The following BMP6 variants were observed in gnomAD, a reference collection of about 807,000 sequenced individuals.
The protein encoded by BMP6 is VG-1-R.
In BMP6, 17 loss-of-function variants were observed where a neutral mutation model predicts 54.1. The observed-to-expected ratio is 0.31, with a 90% CI of 0.22 to 0.47. The LOEUF is 0.47. Among genes scored for constraint, BMP6 ranks in the 20% least tolerant of loss-of-function variants. BMP6 has a pLI of 1.00. For missense variants in BMP6, 720 were observed against 690.4 expected (o/e 1.04, Z -0.48); for synonymous variants, 328 against 291.2 (o/e 1.13, Z -1.28).
intron 1 of BMP6, among the ~76,000 whole-genome samples, chr6:7,772,835 G>A (rs1757810891): frequency 6.6e-6 from 1 of 152,062 alleles, no homozygotes; most frequent in Admixed American, 6.5e-5. Flanking sequence ...TCCCCTAGTT[G>A]GTGTTCCCAT....
chr6:7,854,562 C>T (rs941687201), intron 2 of BMP6, among the ~76,000 whole-genome samples: 6 of 152,166 alleles, frequency 3.9e-5, no homozygotes, highest in Non-Finnish European at 7.4e-5. Context: ...TTGGCGAGGC[C>T]GGGGCAGGCG....
chr6:7,816,882 A>G (rs1268358734), intron 1 of BMP6, among the ~76,000 whole-genome samples: 3 of 152,130 alleles, frequency 2.0e-5, no homozygotes, highest in Non-Finnish European at 4.4e-5. Context: ...ACTGTTTTTC[A>G]TATGGCTTAT....
At chr6:7,810,993 C>A (rs1758427604) in intron 1 of BMP6, among the ~76,000 whole-genome samples, 1 of 152,228 alleles carries the variant, frequency 6.6e-6, no homozygotes, top group Non-Finnish European at 1.5e-5. Flanking sequence ...GAAGTATCTT[C>A]AATGTGTAGG....
intron 1 of BMP6, among the ~76,000 whole-genome samples, chr6:7,743,424 C>CT (rs747367873): frequency 2.2e-4 from 34 of 152,186 alleles, no homozygotes; most frequent in Non-Finnish European, 3.1e-4. Flanking sequence ...AGGATGCAAT[C>CT]TAACTGGGGC....
At chr6:7,796,940 G>A (rs1363953976) in intron 1 of BMP6, among the ~76,000 whole-genome samples, 2 of 152,102 alleles carry the variant, frequency 1.3e-5, no homozygotes, top group Non-Finnish European at 2.9e-5. Context: ...ACAATCATAG[G>A]CTCATAAACA....
chr6:7,770,434 G>A (rs186821956), intron 1 of BMP6, among the ~76,000 whole-genome samples: 4 of 152,164 alleles, frequency 2.6e-5, no homozygotes, highest in Admixed American at 6.5e-5. Flanking sequence ...TGACCTACCC[G>A]GTAAAGATTG....
chr6:7,781,556 C>T (rs1337327593), intron 1 of BMP6, among the ~76,000 whole-genome samples: 1 of 151,554 alleles, frequency 6.6e-6, no homozygotes. Flanking sequence ...CTCACCGCCT[C>T]ACCACATTAT....
In BMP6 at chr6:7,727,382, C is replaced by T. The variant is rs774245415; in HGVS notation, c.427C>T (p.Leu143=). Residue 143 remains leucine (L), a synonymous_variant, in exon 1 of 7, where the codon CTG becomes TTG. Coordinates refer to ENST00000283147, the MANE Select transcript of BMP6 (RefSeq NM_001718.6). ...CTTCATGCTGGATCTGTACAACGCC[C>T]TGTCCGCCGACAACGACGAGGACGG... The part of the protein sequence containing the change: ...PLFMLDLYNA[L]SADNDEDGAS... 2.5e-6 allele frequency: 4 copies of T among 1,608,588 alleles called. No individual in the cohort carries two copies. Among genetic ancestry groups the T allele is most frequent in the South Asian group, 2.2e-5 (2 of 90,544 alleles).
chr6:7,878,935 G>A (rs573012748), intron 4 of BMP6, 139 bp from the exon 5 acceptor site: 189 of 817,634 alleles, frequency 2.3e-4, no homozygotes, highest in South Asian at 1.5e-3. Flanking sequence ...TGATGTAGCT[G>A]TTGGGTGACC....
chr6:7,787,374 G>A (rs1225875306), intron 1 of BMP6, among the ~76,000 whole-genome samples: 2 of 152,210 alleles, frequency 1.3e-5, no homozygotes, highest in Non-Finnish European at 2.9e-5. Flanking sequence ...GCAAAGCCAA[G>A]AGAGTGAAAA....
At chr6:7,879,548 A>C (rs984495730) in intron 5 of BMP6, among the ~76,000 whole-genome samples, 1 of 152,250 alleles carries the variant, frequency 6.6e-6, no homozygotes, top group Non-Finnish European at 1.5e-5. Context: ...CCAGCTCACC[A>C]AACGATGCAG....
rs539772264 is a variant in BMP6, at chr6:7,880,071, T to C, written c.1362T>C (p.Asn454=). The change falls in exon 6 of 7, where the codon AAT becomes AAC. Residue 454 remains asparagine, a synonymous_variant. Coordinates refer to ENST00000283147, the MANE Select transcript of BMP6 (RefSeq NM_001718.6). ...ECSFPLNAHM[N]ATNHAIVQTL... ...CCTTCCCACTCAACGCACACATGAA[T>C]GCAACCAACCACGCGATTGTGCAGA... is the stretch of plus-strand genomic sequence containing the variant. 13 of 1,614,198 alleles carry C rather than the reference T, an allele frequency of 8.1e-6. No individual in the cohort carries two copies. The African/African-American group carries it at 1.3e-4, about 17-fold the overall frequency.
chr6:7,791,729 G>A (rs1342886134), intron 1 of BMP6, among the ~76,000 whole-genome samples: 8 of 152,090 alleles, frequency 5.3e-5, no homozygotes, highest in Non-Finnish European at 8.8e-5. Flanking sequence ...CCTCTCCAGC[G>A]AATGACGTTG....
chr6:7,853,015 C>T (rs2116238), intron 2 of BMP6, among the ~76,000 whole-genome samples: 3,264 of 152,244 alleles, frequency 0.021, 120 homozygotes, highest in African/African-American at 0.072. Flanking sequence ...GGTGATACTG[C>T]GTAAAGCTCT....
At chr6:7,755,451 A>C (rs1468232218) in intron 1 of BMP6, among the ~76,000 whole-genome samples, 2 of 152,370 alleles carry the variant, frequency 1.3e-5, no homozygotes, top group African/African-American at 2.4e-5. Context: ...ATTTTACAAC[A>C]GTATACTTCA....
chr6:7,754,804 G>GC (rs1409334850), intron 1 of BMP6, among the ~76,000 whole-genome samples: 4 of 151,910 alleles, frequency 2.6e-5, no homozygotes, highest in Non-Finnish European at 5.9e-5. Context: ...TGCAAGCTCC[G>GC]CCCCCCAGGT....
At chr6:7,875,496 A>T (rs1356627344) in intron 4 of BMP6, among the ~76,000 whole-genome samples, 1 of 152,092 alleles carries the variant, frequency 6.6e-6, no homozygotes, top group Non-Finnish European at 1.5e-5. Flanking sequence ...TCGGCAACAT[A>T]GCAAGTCCCC....
Position 7,727,501 on chromosome 6 carries a change from C to A in BMP6, c.546C>A (p.Leu182=). The A allele has an allele frequency of 6.3e-7, 1 of 1,596,442 alleles. No individual in the cohort carries two copies. The change falls in exon 1 of 7, where the codon CTC becomes CTA. Residue 182 remains leucine (L), a synonymous_variant. Coordinates refer to ENST00000283147, the MANE Select transcript of BMP6 (RefSeq NM_001718.6). ...RQPPPGAAHP[L]NRKSLLAPGS... ...CGCCCCCGGGCGCCGCGCACCCGCT[C>A]AACCGCAAGAGCCTTCTGGCCCCCG...
chr6:7,857,359 G>A lies in BMP6; in HGVS notation c.858-4092G>A, dbSNP rs141698410. 9.2e-5 allele frequency among the ~76,000 whole-genome samples: 14 copies of A among 152,326 alleles called. No homozygotes were observed. In the East Asian group the frequency reaches 2.7e-3, roughly 29 times the overall value. Reference sequence around the variant, plus strand: ...TGAGGTTGGAATAACATTGAGAAGAGTAACACTGTTACATCCTTGAAGATT... The same window carrying A: ...TGAGGTTGGAATAACATTGAGAAGAATAACACTGTTACATCCTTGAAGATT... On this transcript the variant is annotated intron_variant, in intron 2 of 6. Transcript: ENST00000283147.
Sources: gnomAD v4.1 joint callset for allele counts (sites outside exome capture counted in the v4.1 genomes callset) on GRCh38, gnomAD v4.1.1 for gene constraint, MANE v1.5 for transcripts, NCBI Gene and HGNC (gene_info 2026-07-23, HGNC 2026-07-21) for gene names.